RAB11FIP2: variants seen among roughly 807,000 people sequenced by gnomAD.
RAB11FIP2 encodes rab11 family-interacting protein 2.
In RAB11FIP2, 16 loss-of-function variants were observed where a neutral mutation model predicts 40.9. That is an observed-to-expected ratio of 0.39 (90% confidence interval 0.26 to 0.59). The LOEUF is 0.59. Ranked by LOEUF, RAB11FIP2 falls within the 20% of genes least tolerant of loss-of-function variation. The pLI, the probability that RAB11FIP2 is intolerant of heterozygous loss-of-function variation, is 0.53. For synonymous variants in RAB11FIP2, 228 were observed against 213.7 expected (o/e 1.07, Z -0.58); for missense variants, 532 against 606.2 (o/e 0.88, Z 1.28).
chr10:118,040,831 TG>T (rs1256312507), intron 1 of RAB11FIP2, among the ~76,000 whole-genome samples: 1 of 152,160 alleles, frequency 6.6e-6, no homozygotes, highest in East Asian at 1.9e-4. Flanking sequence ...TCTTTTCTTT[TG>T]TAATTTGAAA....
Position 118,009,315 on chromosome 10 carries a change from A to T in RAB11FIP2, c.1312-90T>A. On this transcript the variant is annotated intron_variant, in intron 4 of 4. Transcript: ENST00000355624. ...CTGGAACTTCGACTTTTTGTTTTTCAAACCCTGATGAAGTTTTTCGCTAGC... is the reference window on the plus strand; with the variant it reads ...CTGGAACTTCGACTTTTTGTTTTTCTAACCCTGATGAAGTTTTTCGCTAGC... 3.2e-6 allele frequency: 4 copies of T among 1,259,438 alleles called. No homozygotes were observed. In the South Asian group the frequency reaches 5.8e-5, roughly 18 times the overall value. The allele number at this position is 1,259,438 out of a possible 1,614,324, so 78.0% of individuals were successfully genotyped here. A position where few individuals can be genotyped will look rare whatever the true frequency, so the allele number is the denominator to read the frequency against.
chr10:118,025,903 C>T (rs1329353507), intron 3 of RAB11FIP2, among the ~76,000 whole-genome samples: 1 of 152,210 alleles, frequency 6.6e-6, no homozygotes, highest in Non-Finnish European at 1.5e-5. Flanking sequence ...TCTCTATCAG[C>T]ACTTACCAAC....
chr10:118,006,169 G>T lies in RAB11FIP2; in HGVS notation c.*2829C>A, dbSNP rs112764650. The T allele has an allele frequency of 2.0e-5, 3 of 152,556 alleles. No individual in the cohort carries two copies. The highest frequency in any genetic ancestry group is 2.9e-5 in the Non-Finnish European group (2 of 68,022). 9.5% of individuals were successfully genotyped at this position (152,556 alleles called of 1,614,324 possible). A position where few individuals can be genotyped will look rare whatever the true frequency, so the allele number is the denominator to read the frequency against. On this transcript the variant is annotated 3_prime_UTR_variant, in exon 5 of 5. Transcript: ENST00000355624. ...GTATTCAATAAATGAAACTTGAAGCGTAAGTGGTAGGAAGGTATGTTCAAT... is the reference window on the plus strand; with the variant it reads ...GTATTCAATAAATGAAACTTGAAGCTTAAGTGGTAGGAAGGTATGTTCAAT...
intron 1 of RAB11FIP2, among the ~76,000 whole-genome samples, chr10:118,044,149 T>C (rs566281875): frequency 4.6e-5 from 7 of 152,196 alleles, no homozygotes; most frequent in Non-Finnish European, 7.4e-5. Flanking sequence ...AACTGTGATG[T>C]TGCCCAGGAC....
intron 3 of RAB11FIP2, chr10:118,034,151 C>T (rs1012733691): frequency 2.2e-4 from 144 of 654,746 alleles, no homozygotes; most frequent in Middle Eastern, 3.8e-4. Context: ...CGGCTGTGTT[C>T]GAACAAAACT....
Position 118,045,963 on chromosome 10 carries a change from C to T in RAB11FIP2, c.201G>A (p.Glu67=). The T allele has an allele frequency of 2.5e-6, 4 of 1,614,200 alleles. No homozygotes were observed. Among genetic ancestry groups the T allele is most frequent in the African/African-American group, 1.3e-5 (1 of 75,058 alleles). Residue 67 remains glutamate (E), a synonymous_variant, in exon 1 of 5, where the codon GAG becomes GAA. Coordinates refer to ENST00000355624, the MANE Select transcript of RAB11FIP2 (RefSeq NM_014904.3). ...TTCCCTGAATTAGCAATCCAGGTAG[C>T]TCGAAAGAGGCCTCCTCCTTCCAAA... The part of the protein sequence containing the change: ...EPVWKEEASF[E]LPGLLIQGSP...
chr10:118,038,950 A>T, intron 3 of RAB11FIP2, 22 bp downstream of exon 3: 1 of 1,473,188 alleles, frequency 6.8e-7, no homozygotes. Flanking sequence ...AAATAGTAGA[A>T]CTTCCCCCAT....
Position 118,038,918 on chromosome 10 carries a change from C to A in RAB11FIP2, c.1265+54G>T, listed in dbSNP as rs966241759. On this transcript the variant is annotated intron_variant, in intron 3 of 4. Coordinates refer to ENST00000355624, the MANE Select transcript of RAB11FIP2 (RefSeq NM_014904.3). ...TAGCATTTAAAAGAAATATTTGATA[C>A]CTTCAAGTACAAGATTTTCCCAAAT... 14 of 1,160,056 alleles carry A rather than the reference C, an allele frequency of 1.2e-5. 1 individual carries two copies. In the Admixed American group the frequency reaches 1.6e-4, roughly 13 times the overall value. 71.9% of individuals were successfully genotyped at this position (1,160,056 alleles called of 1,614,324 possible).
rs565076276 is a variant in RAB11FIP2, at chr10:118,007,867, A to G, written c.*1131T>C. The G allele has an allele frequency of 1.4e-4, 21 of 152,482 alleles. No homozygotes were observed. The highest frequency in any genetic ancestry group is 2.9e-4 in the Non-Finnish European group (20 of 67,984). The allele number at this position is 152,482 out of a possible 1,614,324, so 9.4% of individuals were successfully genotyped here. A position where few individuals can be genotyped will look rare whatever the true frequency, so the allele number is the denominator to read the frequency against. Reference sequence around the variant, plus strand: ...TCACGCTCGTAAAGTTCTCTTCTAAAAACTCACTCTTCCTTTAGTAAGTCT... The same window carrying G: ...TCACGCTCGTAAAGTTCTCTTCTAAGAACTCACTCTTCCTTTAGTAAGTCT... On this transcript the variant is annotated 3_prime_UTR_variant, in exon 5 of 5. Transcript: ENST00000355624.
At position 118,022,203 on chromosome 10, in the gene RAB11FIP2, G is replaced by C. The variant is rs1225674201; in HGVS notation, c.1266-7093C>G. Among the ~76,000 whole-genome samples, 3 of 152,244 alleles carry C rather than the reference G, an allele frequency of 2.0e-5. No homozygotes were observed. The East Asian group carries it at 5.8e-4, about 29-fold the overall frequency. The stretch of plus-strand genomic sequence containing the variant: ...GCCATGTTCTCACCATTCAGCCTCT[G>C]CCACAGAACTCTCATCGTTTCCTCC... On this transcript the variant is annotated intron_variant, in intron 3 of 4. Coordinates refer to ENST00000355624, the MANE Select transcript of RAB11FIP2 (RefSeq NM_014904.3).
intron 3 of RAB11FIP2, among the ~76,000 whole-genome samples, chr10:118,022,496 C>CATA (rs1241483631): frequency 1.3e-5 from 2 of 152,174 alleles, no homozygotes; most frequent in Non-Finnish European, 2.9e-5. Context: ...CCTTTCCAGA[C>CATA]TTATTGCCCA....
intron 3 of RAB11FIP2, among the ~76,000 whole-genome samples, chr10:118,026,992 G>A (rs1846351086): frequency 6.6e-6 from 1 of 151,256 alleles, no homozygotes; most frequent in Non-Finnish European, 1.5e-5. Flanking sequence ...TTTTATTTAA[G>A]TTTTTTTTTA....
In RAB11FIP2 at chr10:118,007,643, A is replaced by T. The variant is rs1351751823; in HGVS notation, c.*1355T>A. 1.3e-5 allele frequency: 2 copies of T among 152,124 alleles called. No homozygotes were observed. Among genetic ancestry groups the T allele is most frequent in the East Asian group, 3.8e-4 (2 of 5,200 alleles). The allele number at this position is 152,124 out of a possible 1,614,324, so 9.4% of individuals were successfully genotyped here. A position where few individuals can be genotyped will look rare whatever the true frequency, so the allele number is the denominator to read the frequency against. On this transcript the variant is annotated 3_prime_UTR_variant, in exon 5 of 5. Transcript: ENST00000355624. Reference sequence around the variant, plus strand: ...AGTGTTTTATAGTATTTCAGACTTTAAAGGCTGAAAAATAAGCAGAAGATT... The same window carrying T: ...AGTGTTTTATAGTATTTCAGACTTTTAAGGCTGAAAAATAAGCAGAAGATT...
intron 4 of RAB11FIP2, among the ~76,000 whole-genome samples, chr10:118,012,110 G>A (rs1172604338): frequency 2.0e-5 from 3 of 151,838 alleles, no homozygotes; most frequent in Non-Finnish European, 4.4e-5. Flanking sequence ...ATAAATTAAA[G>A]CCATGATATA....
intron 3 of RAB11FIP2, among the ~76,000 whole-genome samples, chr10:118,034,318 T>C (rs1846454656): frequency 6.6e-6 from 1 of 150,632 alleles, no homozygotes; most frequent in African/African-American, 2.4e-5. Flanking sequence ...ATCTCTTCCA[T>C]GAACTCTTAA....
rs768356207 is a variant in RAB11FIP2, at chr10:118,015,115, T to TA, written c.1266-6dup. 4 of 1,603,408 alleles carry TA rather than the reference T, an allele frequency of 2.5e-6. No homozygotes were observed. The highest frequency in any genetic ancestry group is 3.4e-6 in the Non-Finnish European group (4 of 1,174,010). On this transcript the variant is annotated splice_polypyrimidine_tract_variant and splice_region_variant and intron_variant, in intron 3 of 4. Coordinates refer to ENST00000355624, the MANE Select transcript of RAB11FIP2 (RefSeq NM_014904.3). The stretch of plus-strand genomic sequence containing the variant: ...CTTGTTGGACTCATATGAAAACTAA[T>TA]AAAACACAAACAAATGTTAAAAGTG...
intron 3 of RAB11FIP2, among the ~76,000 whole-genome samples, chr10:118,029,214 A>G (rs1846383056): frequency 6.6e-6 from 1 of 152,036 alleles, no homozygotes; most frequent in Non-Finnish European, 1.5e-5. Context: ...CTCCCTTACC[A>G]GTCCCCCCAA....
chr10:118,045,679 T>C (rs1846619450), intron 1 of RAB11FIP2, 132 bp downstream of exon 1: 7 of 677,850 alleles, frequency 1.0e-5, no homozygotes, highest in Middle Eastern at 3.9e-4. Flanking sequence ...TTCATGCAAA[T>C]ATGGTGCTTA....
intron 3 of RAB11FIP2, among the ~76,000 whole-genome samples, chr10:118,028,124 C>T (rs1846367422): frequency 6.6e-6 from 1 of 152,130 alleles, no homozygotes; most frequent in Admixed American, 6.6e-5. Flanking sequence ...CAGAGCTTTA[C>T]ACACAACATT....
Sources: gnomAD v4.1 joint callset for allele counts (sites outside exome capture counted in the v4.1 genomes callset) on GRCh38, gnomAD v4.1.1 for gene constraint, MANE v1.5 for transcripts, NCBI Gene and HGNC (gene_info 2026-07-23, HGNC 2026-07-21) for gene names.